ZBTB16: variants seen among roughly 807,000 people sequenced by gnomAD.
ZBTB16 encodes the protein zinc finger and BTB domain containing 16, also known as zinc finger and BTB domain-containing protein 16.
A neutral mutation model predicts 56.8 loss-of-function variants in ZBTB16; 8 were observed. That is an observed-to-expected ratio of 0.14 (90% confidence interval 0.08 to 0.25). The LOEUF (loss-of-function observed/expected upper bound fraction) is 0.25, where lower values mean the gene tolerates loss of function less well. ZBTB16 is among the 10% of genes least tolerant of loss of function. ZBTB16 has a pLI of 1.00. For synonymous variants in ZBTB16, 363 were observed against 368.5 expected, an observed-to-expected ratio of 0.98 and a Z score of 0.17; for missense variants, 625 against 903.0, an observed-to-expected ratio of 0.69 and a Z score of 3.95.
chr11:114,198,465 C>A (rs982135307), intron 4 of ZBTB16, among the ~76,000 whole-genome samples: 1 of 152,184 alleles, frequency 6.6e-6, no homozygotes, highest in East Asian at 1.9e-4. Flanking sequence ...ACAACCCAGC[C>A]GTCTCCTGCT....
At chr11:114,136,295 G>A (rs1591703285) in intron 2 of ZBTB16, among the ~76,000 whole-genome samples, 1 of 152,148 alleles carries the variant, frequency 6.6e-6, no homozygotes, top group East Asian at 1.9e-4. Context: ...CCACTGTTTG[G>A]GGGCTGAGGG....
intron 4 of ZBTB16, among the ~76,000 whole-genome samples, chr11:114,234,602 G>T (rs1383530036): frequency 1.3e-5 from 2 of 152,204 alleles, no homozygotes; most frequent in African/African-American, 4.8e-5. Flanking sequence ...TAAAGAGAGG[G>T]CTCTTGGCCA....
At chr11:114,164,807 G>C (rs1942697228) in intron 3 of ZBTB16, among the ~76,000 whole-genome samples, 1 of 152,024 alleles carries the variant, frequency 6.6e-6, no homozygotes, top group African/African-American at 2.4e-5. Flanking sequence ...CTTACTTTCA[G>C]TGCTCTTGTC....
intron 2 of ZBTB16, among the ~76,000 whole-genome samples, chr11:114,084,002 A>G (rs182232825): frequency 5.8e-4 from 88 of 152,282 alleles, no homozygotes; most frequent in African/African-American, 2.0e-3. Context: ...TGACATAACC[A>G]GGTGGCTTTA....
chr11:114,062,696 C>A (rs1026732144), intron 1 of ZBTB16, among the ~76,000 whole-genome samples: 1 of 152,214 alleles, frequency 6.6e-6, no homozygotes, highest in Non-Finnish European at 1.5e-5. Context: ...AGGCTCCTGG[C>A]CTCCAATGAG....
intron 2 of ZBTB16, among the ~76,000 whole-genome samples, chr11:114,086,194 C>G (rs1214341159): frequency 6.6e-6 from 1 of 152,196 alleles, no homozygotes; most frequent in Non-Finnish European, 1.5e-5. Flanking sequence ...GCAGTGCAAA[C>G]TCAGCCCTGG....
chr11:114,164,488 C>T (rs1942687662), intron 3 of ZBTB16, among the ~76,000 whole-genome samples: 2 of 152,194 alleles, frequency 1.3e-5, no homozygotes, highest in Non-Finnish European at 2.9e-5. Flanking sequence ...TTCCTACGTT[C>T]TGGGTTGCCT....
chr11:114,143,430 G>T lies in ZBTB16; in HGVS notation c.1269-12907G>T, dbSNP rs1436131265. The stretch of plus-strand genomic sequence containing the variant: ...AAAGACAGAGGCTGGGGGGGAAAGG[G>T]GGTCAGCTTTGAGAGGGGACAGAGG... On this transcript the variant is annotated intron_variant, in intron 2 of 6. Coordinates refer to ENST00000335953, the MANE Select transcript of ZBTB16 (RefSeq NM_006006.6). This position sits in a 1 kb window ranked among gnomAD's most constrained non-coding sequence, Gnocchi z 6.4. 6.6e-6 allele frequency among the ~76,000 whole-genome samples: 1 copy of T among 152,146 alleles called. No homozygotes were observed. Among genetic ancestry groups the T allele is most frequent in the Non-Finnish European group, 1.5e-5 (1 of 68,030 alleles).
At position 114,120,435 on chromosome 11, in the gene ZBTB16, C is replaced by G. The variant is rs531163989; in HGVS notation, c.1269-35902C>G. ...TGTTCATCTTGAACTCCCTTCACCT[C>G]TTCTACTGTTTCATCCCTTTCCTTC... On this transcript the variant is annotated intron_variant, in intron 2 of 6. Transcript: ENST00000335953. Among the ~76,000 whole-genome samples the G allele has an allele frequency of 2.0e-5, 3 of 152,340 alleles. No homozygotes were observed. In the South Asian group the frequency reaches 6.2e-4, roughly 32 times the overall value.
At position 114,060,859 on chromosome 11, in the gene ZBTB16, C is replaced by G. The variant is rs1334630391; in HGVS notation, c.-91+977C>G. 6.6e-6 allele frequency among the ~76,000 whole-genome samples: 1 copy of G among 152,084 alleles called. No individual in the cohort carries two copies. The highest frequency in any genetic ancestry group is 2.4e-5 in the African/African-American group (1 of 41,432). On this transcript the variant is annotated intron_variant, in intron 1 of 6. Coordinates refer to ENST00000335953, the MANE Select transcript of ZBTB16 (RefSeq NM_006006.6). The surrounding 1 kb of genome is among the most constrained non-coding windows in gnomAD (Gnocchi z 6.0). ...CCAGCCGGTCGCTCCCAGGGGGTCA[C>G]GGCCCTGGGTCGGAGAGGGAGGGCG...
chr11:114,119,043 T>A (rs1321574363), intron 2 of ZBTB16, among the ~76,000 whole-genome samples: 1 of 151,896 alleles, frequency 6.6e-6, no homozygotes, highest in Non-Finnish European at 1.5e-5. Context: ...GGCAGGCGGA[T>A]CACCTGAGGT....
intron 4 of ZBTB16, among the ~76,000 whole-genome samples, chr11:114,210,246 C>A (rs10789994): frequency 0.17 from 25,165 of 151,988 alleles, 2,510 homozygotes; most frequent in South Asian, 0.24. Context: ...CATTTACTCT[C>A]CTCTCTCCTT....
chr11:114,167,061 CAA>C (rs559749448), intron 3 of ZBTB16, among the ~76,000 whole-genome samples: 31 of 152,106 alleles, frequency 2.0e-4, no homozygotes, highest in Non-Finnish European at 4.1e-4. Flanking sequence ...AGGAAGAAAA[CAA>C]GAGAATGGGG....
At chr11:114,174,312 GT>G (rs11417322) in intron 3 of ZBTB16, among the ~76,000 whole-genome samples, 55 of 145,902 alleles carry the variant, frequency 3.8e-4, no homozygotes, top group South Asian at 3.5e-3. Flanking sequence ...TCTGACTGAG[GT>G]TTTTTTTTTT....
At chr11:114,136,191 C>T (rs976752668) in intron 2 of ZBTB16, among the ~76,000 whole-genome samples, 2 of 152,160 alleles carry the variant, frequency 1.3e-5, no homozygotes, top group Non-Finnish European at 2.9e-5. Context: ...TTGTGAACAA[C>T]CTGGGTGTAG....
chr11:114,148,463 C>CTT lies in ZBTB16; in HGVS notation c.1269-7873_1269-7872insTT, dbSNP rs1250594300. 4.8e-4 allele frequency among the ~76,000 whole-genome samples: 56 copies of CTT among 116,348 alleles called. 6 individuals carry two copies. In the Middle Eastern group the frequency reaches 0.016, roughly 34 times the overall value. 76.3% of individuals were successfully genotyped at this position (116,348 alleles called of 152,430 possible). On this transcript the variant is annotated intron_variant, in intron 2 of 6. Transcript: ENST00000335953. ...TCTCTCTCTCTGTCTGTCTGTCTCT[C>CTT]TCTCTCTCTTTCTTTCTTTCTTTCT...
chr11:114,107,349 G>A (rs944804743), intron 2 of ZBTB16, among the ~76,000 whole-genome samples: 8 of 152,098 alleles, frequency 5.3e-5, no homozygotes, highest in East Asian at 1.9e-4. Flanking sequence ...AAAACACTTC[G>A]CATTTAGATC....
rs555350451 is a variant in ZBTB16, at chr11:114,159,473, T to C, written c.1366+3039T>C. 4.0e-4 allele frequency among the ~76,000 whole-genome samples: 61 copies of C among 152,334 alleles called. 1 individual carries two copies. Among genetic ancestry groups the C allele is most frequent in the South Asian group, 2.1e-3 (10 of 4,822 alleles). On this transcript the variant is annotated intron_variant, in intron 3 of 6. Transcript: ENST00000335953. ...ATAGCTCACGGCCTATATTCTGATA[T>C]TTCTATTCTTTTTTTTCTTTCTGTT...
intron 3 of ZBTB16, among the ~76,000 whole-genome samples, chr11:114,163,195 T>TC (rs141451006): frequency 7.6e-4 from 89 of 117,194 alleles, no homozygotes; most frequent in East Asian, 4.9e-3. Flanking sequence ...CCGTCCTCAG[T>TC]CCCCCCCCAA....
Sources: gnomAD v4.1 joint callset for allele counts (sites outside exome capture counted in the v4.1 genomes callset) on GRCh38, gnomAD v4.1.1 for gene constraint, Gnocchi (gnomAD v3.1) non-coding constraint, MANE v1.5 for transcripts, NCBI Gene and HGNC (gene_info 2026-07-23, HGNC 2026-07-21) for gene names.